Variants in OPA1 observed in about 807,000 individuals in gnomAD.
OPA1 encodes dynamin-like GTPase OPA1, mitochondrial.
A neutral mutation model predicts 152.9 loss-of-function variants in OPA1; 59 were observed. The ratio of observed to expected loss-of-function variants is 0.39; its 90% CI spans 0.31 to 0.48. The LOEUF (loss-of-function observed/expected upper bound fraction) is 0.48. OPA1 is among the 20% of genes least tolerant of loss of function. The probability of loss-of-function intolerance (pLI) is 0.96; values close to 1 mark genes in which losing one functional copy is unlikely to be tolerated. For synonymous variants in OPA1, 400 were observed against 389.9 expected, an observed-to-expected ratio of 1.03 and a Z score of -0.31; for missense variants, 1,008 against 1,216.8, an observed-to-expected ratio of 0.83 and a Z score of 2.55.
chr3:193,617,433 G>A (rs1035024916), intron 4 of OPA1, 148 bp downstream of exon 4: 1 of 647,380 alleles, frequency 1.5e-6, no homozygotes, highest in Non-Finnish European at 2.7e-6. Context: ...TAAACACAAA[G>A]TTTTGTTACA....
intron 29 of OPA1, chr3:193,669,025 T>C (rs1717322013): frequency 4.0e-6 from 1 of 249,236 alleles, no homozygotes; most frequent in Admixed American, 5.9e-5. Flanking sequence ...AAATTTCCTG[T>C]CTTATTAGTT....
At chr3:193,618,566 A>T in intron 5 of OPA1, 1 of 347,126 alleles carries the variant, frequency 2.9e-6, no homozygotes, top group Non-Finnish European at 5.3e-6. Flanking sequence ...CTGAACTGTA[A>T]GTACTCTCAT....
chr3:193,664,963 T>G lies in OPA1; in HGVS notation c.2745T>G (p.Phe915Leu). Residue 915 changes from phenylalanine (F) to leucine (L), a missense_variant, in exon 27 of 31, where the codon TTT becomes TTG. Coordinates refer to ENST00000361510, the MANE Select transcript of OPA1 (RefSeq NM_130837.3). ...LNHCNLCRRG[F>L]YYYQRHFVDS... ...ATTGTAACCTTTGTCGAAGAGGTTT[T>G]TATTACTACCAAAGGCATTTTGTAG... 6.2e-7 allele frequency: 1 copy of G among 1,604,706 alleles called. No individual in the cohort carries two copies. Among genetic ancestry groups the G allele is most frequent in the Non-Finnish European group, 8.5e-7 (1 of 1,172,006 alleles).
At chr3:193,665,747 C>T (rs1443907490) in intron 27 of OPA1, among the ~76,000 whole-genome samples, 1 of 151,952 alleles carries the variant, frequency 6.6e-6, no homozygotes, top group African/African-American at 2.4e-5. Flanking sequence ...TTAAAAGTGG[C>T]AAGTTTTTTT....
intron 29 of OPA1, among the ~76,000 whole-genome samples, chr3:193,674,937 A>C (rs1366438409): frequency 6.6e-6 from 1 of 152,224 alleles, no homozygotes; most frequent in Non-Finnish European, 1.5e-5. Flanking sequence ...AAAGCTACAC[A>C]GGTGATTCTT....
At chr3:193,615,300 G>A (rs2108867194) in intron 2 of OPA1, among the ~76,000 whole-genome samples, 1 of 152,312 alleles carries the variant, frequency 6.6e-6, no homozygotes, top group East Asian at 1.9e-4. Context: ...TTTGAGCTTA[G>A]ACATTTAGTA....
chr3:193,625,431 A>G (rs977356742), intron 6 of OPA1, among the ~76,000 whole-genome samples: 4 of 152,122 alleles, frequency 2.6e-5, no homozygotes, highest in African/African-American at 9.7e-5. Flanking sequence ...AATGTTGTCA[A>G]AACAGCTCAT....
intron 1 of OPA1, among the ~76,000 whole-genome samples, chr3:193,610,345 A>G (rs1728004420): frequency 6.6e-6 from 1 of 152,224 alleles, no homozygotes; most frequent in Non-Finnish European, 1.5e-5. Context: ...AGGCTGCAGA[A>G]CAACGAATAT....
At chr3:193,688,449 C>T (rs6781268) in intron 29 of OPA1, among the ~76,000 whole-genome samples, 30,891 of 62,382 alleles carry the variant, frequency 0.5, 5,172 homozygotes, top group Non-Finnish European at 0.56. Flanking sequence ...TGGGTCTTTT[C>T]TTTTTTTTTT....
Position 193,655,021 on chromosome 3 carries a change from A to G in OPA1, c.2172A>G (p.Ala724=), listed in dbSNP as rs1577287619. The G allele has an allele frequency of 1.9e-6, 3 of 1,613,294 alleles. No individual in the cohort carries two copies. The African/African-American group carries it at 4.0e-5, about 22-fold the overall frequency. ...CTGATAAACAACTTCCTAATAAAGCAGTAGAGGTTAGGATATAATTTAATT... is the reference window on the plus strand; with the variant it reads ...CTGATAAACAACTTCCTAATAAAGCGGTAGAGGTTAGGATATAATTTAATT... ...QWTDKQLPNK[A]VEVAWETLQE... Residue 724 remains alanine (A), a synonymous_variant, in exon 22 of 31, where the codon GCA becomes GCG. Transcript: ENST00000361510.
At chr3:193,661,164 T>TG (rs1715179884) in intron 25 of OPA1, among the ~76,000 whole-genome samples, 1 of 152,172 alleles carries the variant, frequency 6.6e-6, no homozygotes, top group African/African-American at 2.4e-5. Flanking sequence ...GGAATTTGCT[T>TG]TAAAGTCAGT....
At chr3:193,632,711 T>C (rs7650613) in intron 8 of OPA1, among the ~76,000 whole-genome samples, 2 of 151,216 alleles carry the variant, frequency 1.3e-5, no homozygotes, top group Non-Finnish European at 2.9e-5. Context: ...TCTATAAAAA[T>C]TTTTTTAAAA....
At chr3:193,687,782 A>G (rs6804716) in intron 29 of OPA1, among the ~76,000 whole-genome samples, 4,533 of 152,322 alleles carry the variant, frequency 0.03, 237 homozygotes, top group African/African-American at 0.1. Context: ...GAATGAATTT[A>G]TGAGAAATAA....
chr3:193,601,079 G>C lies in OPA1; in HGVS notation c.32+7670G>C, dbSNP rs202083578. 2.0e-5 allele frequency among the ~76,000 whole-genome samples: 3 copies of C among 152,220 alleles called. No individual in the cohort carries two copies. In the East Asian group the frequency reaches 5.8e-4, roughly 29 times the overall value. On this transcript the variant is annotated intron_variant, in intron 1 of 30. Transcript: ENST00000361510. ...AGTGTTTTCGTTGAATATGTATGTT[G>C]TCATGTGCCTTTCTGAGAGTAGCTT...
intron 29 of OPA1, among the ~76,000 whole-genome samples, chr3:193,672,898 C>T (rs1330833117): frequency 2.7e-5 from 4 of 150,552 alleles, no homozygotes; most frequent in African/African-American, 7.3e-5. Flanking sequence ...AAAACAAAAA[C>T]CTAAGGAGTC....
chr3:193,601,036 C>G (rs1420301197), intron 1 of OPA1, among the ~76,000 whole-genome samples: 2 of 152,134 alleles, frequency 1.3e-5, no homozygotes, highest in African/African-American at 4.8e-5. Flanking sequence ...AGATCTAAGA[C>G]TGCATGATCT....
At chr3:193,612,692 T>C (rs1728438072) in intron 1 of OPA1, among the ~76,000 whole-genome samples, 1 of 152,222 alleles carries the variant, frequency 6.6e-6, no homozygotes, top group South Asian at 2.1e-4. Flanking sequence ...GGGCCCATAA[T>C]TTTTATACGT....
chr3:193,604,635 C>T lies in OPA1; in HGVS notation c.33-10088C>T, dbSNP rs553951263. ...CAGCACTTTGGGAGGCTGAGGCAGG[C>T]GGATCACCTGAGGTCGGGAGTTCAA... is the stretch of plus-strand genomic sequence containing the variant. On this transcript the variant is annotated intron_variant, in intron 1 of 30. Coordinates refer to ENST00000361510, the MANE Select transcript of OPA1 (RefSeq NM_130837.3). 4.0e-5 allele frequency among the ~76,000 whole-genome samples: 6 copies of T among 151,808 alleles called. No individual in the cohort carries two copies. The South Asian group carries it at 8.3e-4, about 21-fold the overall frequency.
Position 193,635,495 on chromosome 3 carries a change from C to T in OPA1, c.921C>T (p.Asp307=), listed in dbSNP as rs147242797. 5.4e-5 allele frequency: 86 copies of T among 1,603,410 alleles called. No homozygotes were observed. The African/African-American group carries it at 1.0e-3, about 19-fold the overall frequency. ...ELRKLVLQKD[D]KGIHHRKLKK... ...GAAAATTAGTATTGCAGAAAGATGACAAAGGCATTCATCATAGAAAGCTTA... is the reference window on the plus strand; with the variant it reads ...GAAAATTAGTATTGCAGAAAGATGATAAAGGCATTCATCATAGAAAGCTTA... The change falls in exon 9 of 31, where the codon GAC becomes GAT. Residue 307 remains aspartate (D), a synonymous_variant. Transcript: ENST00000361510.
Sources: allele counts gnomAD v4.1 joint callset (sites outside exome capture counted in the v4.1 genomes callset), GRCh38; gene constraint gnomAD v4.1.1; transcripts MANE v1.5; gene names NCBI Gene and HGNC (gene_info 2026-07-23, HGNC 2026-07-21).